EEF1E1: variants seen among roughly 807,000 people sequenced by gnomAD.
The protein encoded by EEF1E1 is eukaryotic translation elongation factor 1 epsilon-1.
Under a neutral mutation model 19.9 loss-of-function variants are expected in EEF1E1, and 19 were observed. That is an observed-to-expected ratio of 0.95 (90% CI 0.66 to 1.40). The LOEUF (loss-of-function observed/expected upper bound fraction) is 1.40, where lower values mean the gene tolerates loss of function less well. Ranked by LOEUF, EEF1E1 falls within the 40% of genes most tolerant of loss-of-function variation. The pLI, the probability that EEF1E1 is intolerant of heterozygous loss-of-function variation, is 0.00. For missense variants in EEF1E1, 198 were observed against 202.2 expected, an observed-to-expected ratio of 0.98 and a Z score of 0.13; for synonymous variants, 81 against 80.0, an observed-to-expected ratio of 1.01 and a Z score of -0.07.
intron 2 of EEF1E1, among the ~76,000 whole-genome samples, chr6:8,092,273 A>T (rs1422450052): frequency 6.6e-6 from 1 of 152,226 alleles, no homozygotes; most frequent in Non-Finnish European, 1.5e-5. Flanking sequence ...GTGGTTCAGC[A>T]ATCAGTAAAA....
intron 3 of EEF1E1, among the ~76,000 whole-genome samples, chr6:8,087,331 C>T (rs1386990242): frequency 6.6e-6 from 1 of 152,222 alleles, no homozygotes; most frequent in Non-Finnish European, 1.5e-5. Context: ...AATTCTCCTG[C>T]CTCAGCCTCT....
downstream of EEF1E1, among the ~76,000 whole-genome samples, chr6:8,078,186 T>G (rs1308235575): frequency 6.6e-6 from 1 of 152,196 alleles, no homozygotes; most frequent in East Asian, 1.9e-4. Flanking sequence ...CTCAAGAAGC[T>G]TAATCATTTC....
chr6:8,082,793 T>C (rs954855405), intron 3 of EEF1E1, among the ~76,000 whole-genome samples: 2 of 152,238 alleles, frequency 1.3e-5, no homozygotes, highest in African/African-American at 4.8e-5. Flanking sequence ...TAATTATGAA[T>C]GACCTTGACT....
At chr6:8,102,381 G>C (rs1758390796) in intron 1 of EEF1E1, 54 bp downstream of exon 1, 5 of 1,556,810 alleles carry the variant, frequency 3.2e-6, no homozygotes, top group Non-Finnish European at 4.4e-6. Context: ...GCCAGGGCTC[G>C]GCAGGCCCCG....
chr6:8,082,531 G>A (rs774905056), intron 3 of EEF1E1, among the ~76,000 whole-genome samples: 3 of 152,046 alleles, frequency 2.0e-5, no homozygotes, highest in Admixed American at 6.6e-5. Flanking sequence ...CACCAGCCTC[G>A]GTCTCCCAAA....
At chr6:8,079,257 A>G, downstream of EEF1E1, 1 of 327,188 alleles carries the variant, frequency 3.1e-6, no homozygotes, top group Non-Finnish European at 4.4e-6. Context: ...GCCACTGCAT[A>G]TTACAATAAG....
intron 3 of EEF1E1, among the ~76,000 whole-genome samples, chr6:8,086,629 CTG>C (rs942712529): frequency 2.0e-5 from 3 of 152,182 alleles, no homozygotes; most frequent in Admixed American, 2.0e-4. Flanking sequence ...CTTCCAAAAA[CTG>C]AGCGCCGTGC....
chr6:8,092,615 T>G (rs1294985085), intron 2 of EEF1E1, among the ~76,000 whole-genome samples: 1 of 152,180 alleles, frequency 6.6e-6, no homozygotes, highest in African/African-American at 2.4e-5. Flanking sequence ...TAGAATGTAT[T>G]GGTATATTAG....
rs61757371 is a variant in EEF1E1, at chr6:8,079,989, C to T, written c.426G>A (p.Val142=). Residue 142 remains valine, a synonymous_variant, in exon 4 of 4, where the codon GTG becomes GTA. Transcript: ENST00000379715. ...TVQEKEKYLN[V]SRWFCHIQHY... ...GCTGAATGTGACAAAACCAGCGAGA[C>T]ACATTAAGATATTTCTCCTTTTCTT... The T allele has an allele frequency of 2.7e-4, 433 of 1,613,670 alleles. 2 individuals carry two copies. The African/African-American group carries it at 5.2e-3, about 19-fold the overall frequency.
chr6:8,079,565 T>C lies in EEF1E1; in HGVS notation c.*325A>G, dbSNP rs1295253648. 1 of 1,026,714 alleles carries C rather than the reference T, an allele frequency of 9.7e-7. No individual in the cohort carries two copies. Among genetic ancestry groups the C allele is most frequent in the African/African-American group, 1.7e-5 (1 of 58,856 alleles). The allele number at this position is 1,026,714 out of a possible 1,614,324, so 63.6% of individuals were successfully genotyped here. Reference sequence around the variant, plus strand: ...AAAGAGAGGTTAATAAATAGCCAAATATGTCAACCATTGAAATGACCACCA... The same window carrying C: ...AAAGAGAGGTTAATAAATAGCCAAACATGTCAACCATTGAAATGACCACCA... On this transcript the variant is annotated 3_prime_UTR_variant, in exon 4 of 4. Coordinates refer to ENST00000379715, the MANE Select transcript of EEF1E1 (RefSeq NM_004280.5).
chr6:8,092,813 A>AT (rs1409780447), intron 2 of EEF1E1, among the ~76,000 whole-genome samples: 8 of 142,508 alleles, frequency 5.6e-5, no homozygotes, highest in Non-Finnish European at 9.3e-5. Context: ...AGTTTTGTAT[A>AT]TTTTTTCCAA....
At chr6:8,082,330 G>A (rs1429995264) in intron 3 of EEF1E1, among the ~76,000 whole-genome samples, 2 of 152,064 alleles carry the variant, frequency 1.3e-5, no homozygotes, top group East Asian at 3.9e-4. Context: ...CAGACTGGAG[G>A]GCAGTGGCGC....
At chr6:8,090,123 C>T in intron 3 of EEF1E1, 63 bp downstream of exon 3, 1 of 1,350,964 alleles carries the variant, frequency 7.4e-7, no homozygotes, top group South Asian at 1.5e-5. Flanking sequence ...AAATTCAAGA[C>T]AAAGTTTTAA....
downstream of EEF1E1, chr6:8,078,709 A>T: frequency 3.9e-6 from 5 of 1,286,364 alleles, no homozygotes; most frequent in Non-Finnish European, 5.1e-6. Context: ...TACAATCCTC[A>T]TTTTCTTATA....
downstream of EEF1E1, among the ~76,000 whole-genome samples, chr6:8,077,145 G>T (rs551585435): frequency 1.3e-5 from 2 of 151,918 alleles, no homozygotes; most frequent in South Asian, 2.1e-4. Flanking sequence ...GGGTTTCACC[G>T]TGTTAGCCAG....
chr6:8,085,220 C>T (rs114576795), intron 3 of EEF1E1, among the ~76,000 whole-genome samples: 2,059 of 152,246 alleles, frequency 0.014, 50 homozygotes, highest in African/African-American at 0.046. Flanking sequence ...AATCATGACT[C>T]ACTGTGGCCT....
chr6:8,086,593 C>T (rs76638080), intron 3 of EEF1E1, among the ~76,000 whole-genome samples: 2,777 of 152,268 alleles, frequency 0.018, 94 homozygotes, highest in African/African-American at 0.063. Flanking sequence ...TAAGACACTT[C>T]AGTCAGAAGA....
intron 2 of EEF1E1, among the ~76,000 whole-genome samples, chr6:8,096,172 C>A (rs1478093040): frequency 6.6e-6 from 1 of 152,158 alleles, no homozygotes; most frequent in Non-Finnish European, 1.5e-5. Flanking sequence ...ATCTTATAAA[C>A]CCAATTCATT....
downstream of EEF1E1, among the ~76,000 whole-genome samples, chr6:8,077,280 G>A (rs1284597721): frequency 6.6e-6 from 1 of 152,102 alleles, no homozygotes; most frequent in African/African-American, 2.4e-5. Flanking sequence ...AGGATTTTTG[G>A]AATGGTACAT....
Sources: gnomAD v4.1 joint callset for allele counts (sites outside exome capture counted in the v4.1 genomes callset) on GRCh38, gnomAD v4.1.1 for gene constraint, MANE v1.5 for transcripts, NCBI Gene and HGNC (gene_info 2026-07-23, HGNC 2026-07-21) for gene names.